Variants in COG3 observed in about 807,000 individuals in gnomAD.
The protein encoded by COG3 is component of oligomeric golgi complex 3, also known as conserved oligomeric Golgi complex subunit 3.
COG3 carries 32 observed loss-of-function variants against 114.1 expected under a neutral mutation model. The observed-to-expected ratio is 0.28, with a 90% CI of 0.21 to 0.38. COG3 has a LOEUF of 0.38. COG3 is among the 10% of genes least tolerant of loss of function. The pLI, the probability that COG3 is intolerant of heterozygous loss-of-function variation, is 1.00. For synonymous variants in COG3, 352 were observed against 365.7 expected, an observed-to-expected ratio of 0.96 and a Z score of 0.43; for missense variants, 813 against 973.2, an observed-to-expected ratio of 0.84 and a Z score of 2.19.
Position 45,534,745 on chromosome 13 carries a change from G to C in COG3, c.*14G>C. 6.4e-7 allele frequency: 1 copy of C among 1,555,406 alleles called. No homozygotes were observed. Among genetic ancestry groups the C allele is most frequent in the Admixed American group, 2.0e-5 (1 of 50,640 alleles). On this transcript the variant is annotated 3_prime_UTR_variant, in exon 23 of 23. Coordinates refer to ENST00000349995, the MANE Select transcript of COG3 (RefSeq NM_031431.4). ...GTTTCTAAATAAGCAGGCCAGCCGG[G>C]CTGTGCACCTAAATGTCTGTCTGGG...
intron 1 of COG3, among the ~76,000 whole-genome samples, chr13:45,469,704 T>A (rs1221581986): frequency 6.6e-6 from 1 of 152,190 alleles, no homozygotes; most frequent in Non-Finnish European, 1.5e-5. Flanking sequence ...ATATTTTTTT[T>A]TAAGAGTTGT....
At chr13:45,493,605 G>T in intron 12 of COG3, 119 bp downstream of exon 12, 1 of 798,530 alleles carries the variant, frequency 1.3e-6, no homozygotes, top group East Asian at 2.8e-5. Flanking sequence ...TTGAAGCTTG[G>T]CTTGATGCCT....
intron 14 of COG3, 83 bp downstream of exon 14, chr13:45,503,432 G>C (rs1486735624): frequency 1.3e-6 from 1 of 746,954 alleles, no homozygotes; most frequent in East Asian, 2.6e-5. Context: ...TCCCAGACAT[G>C]AAAAACAACT....
chr13:45,492,180 A>G lies in COG3; in HGVS notation c.1117A>G (p.Met373Val). The G allele has an allele frequency of 6.2e-7, 1 of 1,610,058 alleles. No individual in the cohort carries two copies. Among genetic ancestry groups the G allele is most frequent in the Non-Finnish European group, 8.5e-7 (1 of 1,178,134 alleles). The change falls in exon 11 of 23, where the codon ATG (methionine) becomes GTG (valine). Residue 373 changes from methionine to valine, a missense_variant. By Grantham distance (21) the Met-to-Val change is conservative. This residue lies in a region of COG3 where 389 missense variants were observed against 542.6 expected (regional missense o/e 0.72). Coordinates refer to ENST00000349995, the MANE Select transcript of COG3 (RefSeq NM_031431.4). ...GCAGGTTCGTAGTGGCTGTGCCTTC[A>G]TGGTTCATGTCTGCCAGGATGAACA... is the stretch of plus-strand genomic sequence containing the variant. ...CALVRSGCAF[M>V]VHVCQDEHQL...
chr13:45,480,620 C>T (rs1405860562), intron 4 of COG3, among the ~76,000 whole-genome samples: 4 of 152,130 alleles, frequency 2.6e-5, no homozygotes, highest in Non-Finnish European at 5.9e-5. Flanking sequence ...GGCTGGAGTG[C>T]AATGACGTGA....
chr13:45,466,066 C>G (rs1311750903), intron 1 of COG3, among the ~76,000 whole-genome samples: 1 of 152,072 alleles, frequency 6.6e-6, no homozygotes, highest in African/African-American at 2.4e-5. Context: ...ATTCTTTTCT[C>G]TCGCTCTGTC....
At chr13:45,486,676 G>A in intron 8 of COG3, 101 bp downstream of exon 8, 2 of 753,744 alleles carry the variant, frequency 2.7e-6, no homozygotes, top group East Asian at 5.0e-5. Context: ...CCGAGGAAGT[G>A]AACTTGAATG....
intron 6 of COG3, 114 bp from the exon 7 acceptor site, chr13:45,483,116 C>A: frequency 4.7e-6 from 3 of 637,308 alleles, no homozygotes; most frequent in South Asian, 2.3e-5. Context: ...CTTTATGAAA[C>A]CTGTTTTTGA....
chr13:45,521,549 A>G (rs1593746478), intron 19 of COG3, among the ~76,000 whole-genome samples: 1 of 150,908 alleles, frequency 6.6e-6, no homozygotes, highest in African/African-American at 2.5e-5. Flanking sequence ...TGTGGCATAG[A>G]GTGAGTCAGA....
At chr13:45,509,554 A>T in intron 14 of COG3, 138 bp from the exon 15 acceptor site, 1 of 915,424 alleles carries the variant, frequency 1.1e-6, no homozygotes, top group African/African-American at 1.6e-5. Flanking sequence ...TCTTGATGAA[A>T]ACTGAGGTGG....
rs1332193334 is a variant in COG3 at position 45,536,240 on chromosome 13, A to G, written c.*1509A>G. The G allele has an allele frequency of 6.6e-6, 1 of 152,204 alleles. No individual in the cohort carries two copies. Among genetic ancestry groups the G allele is most frequent in the Non-Finnish European group, 1.5e-5 (1 of 68,036 alleles). The allele number at this position is 152,204 out of a possible 1,614,324, so 9.4% of individuals were successfully genotyped here. On this transcript the variant is annotated 3_prime_UTR_variant, in exon 23 of 23. Transcript: ENST00000349995. ...TAATGAAATAAACTGTAAAATATCC[A>G]GTTTTGTGTATTATATGTACATTTG...
In COG3 at chr13:45,493,051, G is replaced by A. The variant is rs74073349; in HGVS notation, c.1188-296G>A. Among the ~76,000 whole-genome samples the A allele has an allele frequency of 4.6e-3, 700 of 152,234 alleles. 6 individuals are homozygous for A. The highest frequency in any genetic ancestry group is 0.016 in the African/African-American group (661 of 41,542). On this transcript the variant is annotated intron_variant, in intron 11 of 22. Coordinates refer to ENST00000349995, the MANE Select transcript of COG3 (RefSeq NM_031431.4). ...AAATACTTTTTATTGTTTTTGAAAGGACATATAGAAAATTATTGCTGAAAT... is the reference window on the plus strand; with the variant it reads ...AAATACTTTTTATTGTTTTTGAAAGAACATATAGAAAATTATTGCTGAAAT...
At chr13:45,487,607 T>C (rs1222028793) in intron 8 of COG3, among the ~76,000 whole-genome samples, 1 of 152,174 alleles carries the variant, frequency 6.6e-6, no homozygotes, top group Non-Finnish European at 1.5e-5. Context: ...AAGGAGACTA[T>C]ACAGATGGCC....
chr13:45,505,056 A>G (rs1869973013), intron 14 of COG3, among the ~76,000 whole-genome samples: 1 of 151,904 alleles, frequency 6.6e-6, no homozygotes, highest in Admixed American at 6.6e-5. Context: ...GCGTGGCTGC[A>G]TGCGCCTGTA....
rs950485266 is a variant in COG3, at chr13:45,490,967, C to T, written c.968+9C>T. The T allele has an allele frequency of 1.3e-6, 2 of 1,566,644 alleles. No homozygotes were observed. The highest frequency in any genetic ancestry group is 1.8e-6 in the Non-Finnish European group (2 of 1,140,796). ...TCTGAAAAAATACCTGAGTGAGTAC[C>T]TAGAAGTTAATCTGATTTCCACATG... On this transcript the variant is annotated intron_variant, in intron 9 of 22. Transcript: ENST00000349995.
chr13:45,505,865 A>G (rs1870087192), intron 14 of COG3, among the ~76,000 whole-genome samples: 1 of 151,882 alleles, frequency 6.6e-6, no homozygotes, highest in Non-Finnish European at 1.5e-5. Flanking sequence ...AAAGTGCTAG[A>G]ATTACAGATG....
intron 1 of COG3, among the ~76,000 whole-genome samples, chr13:45,472,891 A>C (rs1235089628): frequency 2.0e-5 from 3 of 151,830 alleles, no homozygotes; most frequent in Admixed American, 2.0e-4. Context: ...TTTTTTTGAG[A>C]CGGAGTCTCC....
chr13:45,525,633 G>GTTTTTTTTTTTTTTTTTTTTTT (rs1566273037), intron 20 of COG3, among the ~76,000 whole-genome samples: 2 of 13,914 alleles, frequency 1.4e-4, no homozygotes, highest in African/African-American at 7.2e-4. Context: ...GAGGGCTTTG[G>GTTTTTTTTTTTTTTTTTTTTTT]GTTTTTTTTT....
chr13:45,511,152 TA>T (rs1383213438), intron 15 of COG3, among the ~76,000 whole-genome samples: 1 of 87,604 alleles, frequency 1.1e-5, no homozygotes, highest in Non-Finnish European at 2.5e-5. Flanking sequence ...TACCATTTGG[TA>T]ACCTGTTTTT....
Sources: allele counts gnomAD v4.1 joint callset (sites outside exome capture counted in the v4.1 genomes callset), GRCh38; gene constraint gnomAD v4.1.1; regional missense constraint gnomAD v4.1.1; transcripts MANE v1.5; gene names NCBI Gene and HGNC (gene_info 2026-07-23, HGNC 2026-07-21).